CCDC50: variants seen among roughly 807,000 people sequenced by gnomAD.
CCDC50 encodes coiled-coil domain containing 50, also known as coiled-coil domain-containing protein 50.
CCDC50 carries 54 observed loss-of-function variants against 70.2 expected under a neutral mutation model. The observed-to-expected ratio is 0.77, with a 90% CI of 0.62 to 0.96. The LOEUF is 0.96. CCDC50 is among the 50% of genes least tolerant of loss of function. CCDC50 has a pLI of 0.00. For synonymous variants in CCDC50, 216 were observed against 198.8 expected, an observed-to-expected ratio of 1.09 and a Z score of -0.73; for missense variants, 558 against 578.7, an observed-to-expected ratio of 0.96 and a Z score of 0.37.
In CCDC50 at chr3:191,375,282, T is replaced by A; in HGVS notation, c.669T>A (p.His223Gln). The change falls in exon 6 of 12, where the codon CAT becomes CAA. Residue 223 changes from histidine to glutamine, a missense_variant. Transcript: ENST00000392455. ...RDNPHINNEQ[H>Q]ERKRSTQERP... The stretch of plus-strand genomic sequence containing the variant: ...ATCCCCATATTAACAATGAGCAGCA[T>A]GAAAGGAAACGGTCCACTCAGGAGA... 1 of 1,613,636 alleles carries A rather than the reference T, an allele frequency of 6.2e-7. No individual in the cohort carries two copies. The highest frequency in any genetic ancestry group is 1.3e-5 in the African/African-American group (1 of 74,982).
In CCDC50 at chr3:191,385,461, A is replaced by G. The variant is rs777536784; in HGVS notation, c.1322+2636A>G. Among the ~76,000 whole-genome samples the G allele has an allele frequency of 1.7e-4, 26 of 151,984 alleles. 1 individual carries two copies. The highest frequency in any genetic ancestry group is 2.9e-4 in the Non-Finnish European group (20 of 67,982). ...TTTGGCTGCTTGTATTTCTTTTGAG[A>G]AGTGTCTGTTCATATTTTTGCTCAC... is the stretch of plus-strand genomic sequence containing the variant. On this transcript the variant is annotated intron_variant, in intron 10 of 11. Transcript: ENST00000392455.
chr3:191,332,413 C>G (rs1718021780), intron 1 of CCDC50, among the ~76,000 whole-genome samples: 1 of 152,166 alleles, frequency 6.6e-6, no homozygotes, highest in African/African-American at 2.4e-5. Flanking sequence ...AACTAAGTGT[C>G]AACACATCAT....
intron 6 of CCDC50, among the ~76,000 whole-genome samples, chr3:191,377,997 C>T (rs191319947): frequency 5.3e-5 from 8 of 152,186 alleles, no homozygotes; most frequent in South Asian, 2.1e-4. Flanking sequence ...TGTTTAATGA[C>T]GGCCTTACAC....
chr3:191,335,056 G>A (rs754137040), intron 1 of CCDC50, among the ~76,000 whole-genome samples: 4 of 152,112 alleles, frequency 2.6e-5, no homozygotes, highest in South Asian at 2.1e-4. Flanking sequence ...AAAATTAAAC[G>A]TATTGGAGAA....
intron 4 of CCDC50, among the ~76,000 whole-genome samples, chr3:191,365,088 A>ATGTGTGTGTGTGTGTGTG (rs111869044): frequency 9.2e-5 from 14 of 151,474 alleles, no homozygotes; most frequent in African/African-American, 3.4e-4. Context: ...GCATGACTAG[A>ATGTGTGTGTGTGTGTGTG]TGTGTGTGTG....
At position 191,389,556 on chromosome 3, in the gene CCDC50, G is replaced by C; in HGVS notation, c.1383G>C (p.Gln461His). The change falls in exon 11 of 12, where the codon CAG (glutamine) becomes CAC (histidine). Residue 461 changes from glutamine to histidine, a missense_variant. Transcript: ENST00000392455. ...CGGATTACACTCATTTTACAAACCAGCAGAGTTCCACACGGCATTTCTCAA... is the reference window on the plus strand; with the variant it reads ...CGGATTACACTCATTTTACAAACCACCAGAGTTCCACACGGCATTTCTCAA... ...EDADYTHFTNQQSSTRHFSKS... is the reference protein window; with the variant it reads ...EDADYTHFTNHQSSTRHFSKS... The C allele has an allele frequency of 6.2e-7, 1 of 1,614,044 alleles. No homozygotes were observed. The highest frequency in any genetic ancestry group is 8.5e-7 in the Non-Finnish European group (1 of 1,179,964).
intron 5 of CCDC50, 46 bp downstream of exon 5, chr3:191,370,082 A>G (rs1240094733): frequency 1.5e-6 from 2 of 1,307,264 alleles, no homozygotes; most frequent in Non-Finnish European, 2.2e-6. Flanking sequence ...AGACTCAACC[A>G]TAAAACACTC....
Position 191,397,860 on chromosome 3 carries a change from C to A in CCDC50, c.*6100C>A, listed in dbSNP as rs951151080. ...AGCTAGTTCGTGGAATTGAACAGAA[C>A]CTTGATGGAATGCAGTTGCCTGTGT... is the stretch of plus-strand genomic sequence containing the variant. On this transcript the variant is annotated 3_prime_UTR_variant, in exon 12 of 12. Coordinates refer to ENST00000392455, the MANE Select transcript of CCDC50 (RefSeq NM_178335.3). The A allele has an allele frequency of 7.9e-5, 12 of 152,216 alleles. No individual in the cohort carries two copies. The highest frequency in any genetic ancestry group is 2.1e-4 in the South Asian group (1 of 4,838). The allele number at this position is 152,216 out of a possible 1,614,324, so 9.4% of individuals were successfully genotyped here.
At chr3:191,340,436 G>A (rs1232612129) in intron 1 of CCDC50, among the ~76,000 whole-genome samples, 1 of 152,206 alleles carries the variant, frequency 6.6e-6, no homozygotes, top group Admixed American at 6.5e-5. Context: ...ACAGAATTAG[G>A]AAACTACATT....
intron 3 of CCDC50, among the ~76,000 whole-genome samples, chr3:191,359,496 T>C (rs954560891): frequency 4.6e-5 from 7 of 152,222 alleles, no homozygotes; most frequent in Non-Finnish European, 8.8e-5. Flanking sequence ...TGGAGAACCT[T>C]TGAAGTAGTT....
At chr3:191,377,620 A>G (rs1301063653) in intron 6 of CCDC50, among the ~76,000 whole-genome samples, 1 of 152,132 alleles carries the variant, frequency 6.6e-6, no homozygotes, top group Non-Finnish European at 1.5e-5. Context: ...GGCATTCCCT[A>G]AATGTCAGAC....
chr3:191,344,725 C>T (rs1287356333), intron 1 of CCDC50, among the ~76,000 whole-genome samples: 1 of 152,152 alleles, frequency 6.6e-6, no homozygotes, highest in Non-Finnish European at 1.5e-5. Context: ...ACTACAGGCA[C>T]ATACCACCAC....
rs774277904 is a variant in CCDC50 at position 191,392,027 on chromosome 3, G to A, written c.*267G>A. 2.6e-5 allele frequency: 11 copies of A among 418,494 alleles called. No homozygotes were observed. The highest frequency in any genetic ancestry group is 4.0e-5 in the African/African-American group (2 of 50,196). 25.9% of individuals were successfully genotyped at this position (418,494 alleles called of 1,614,324 possible). A position where few individuals can be genotyped will look rare whatever the true frequency, so the allele number is the denominator to read the frequency against. ...TTGGGATATAGTATCTAAGACCTTT[G>A]TAAACTGCCATTTTGTTAGGTATGG... On this transcript the variant is annotated 3_prime_UTR_variant, in exon 12 of 12. Coordinates refer to ENST00000392455, the MANE Select transcript of CCDC50 (RefSeq NM_178335.3).
chr3:191,348,295 A>G (rs1013163016), intron 1 of CCDC50, among the ~76,000 whole-genome samples: 7 of 141,672 alleles, frequency 4.9e-5, no homozygotes, highest in African/African-American at 1.8e-4. Flanking sequence ...CTTCTTTCCC[A>G]TTTGCAAGCC....
At position 191,375,310 on chromosome 3, in the gene CCDC50, C is replaced by G. The variant is rs747154818; in HGVS notation, c.697C>G (p.Pro233Ala). ...AAGGAAACGGTCCACTCAGGAGAGGCCTCGGAGACCTCTGCTTCCCACGAT... is the reference window on the plus strand; with the variant it reads ...AAGGAAACGGTCCACTCAGGAGAGGGCTCGGAGACCTCTGCTTCCCACGAT... ...HERKRSTQERPRRPLLPTISG... is the reference protein window; with the variant it reads ...HERKRSTQERARRPLLPTISG... Residue 233 changes from proline (P) to alanine (A), a missense_variant, in exon 6 of 12, where the codon CCT becomes GCT. Transcript: ENST00000392455. 5.6e-6 allele frequency: 9 copies of G among 1,613,608 alleles called. No individual in the cohort carries two copies. The highest frequency in any genetic ancestry group is 3.3e-5 in the Admixed American group (2 of 59,938).
At chr3:191,343,639 A>T (rs1375256724) in intron 1 of CCDC50, among the ~76,000 whole-genome samples, 2 of 152,206 alleles carry the variant, frequency 1.3e-5, no homozygotes, top group African/African-American at 4.8e-5. Flanking sequence ...ACCATGTAAA[A>T]TGCAGTTGTT....
intron 1 of CCDC50, among the ~76,000 whole-genome samples, chr3:191,336,500 C>T (rs773295043): frequency 6.6e-6 from 1 of 151,984 alleles, no homozygotes; most frequent in Non-Finnish European, 1.5e-5. Flanking sequence ...AATTTTAGCT[C>T]ATTTTAAAAT....
chr3:191,382,552 T>A (rs2108670674), intron 9 of CCDC50, among the ~76,000 whole-genome samples, 194 bp from the exon 10 acceptor site: 1 of 152,288 alleles, frequency 6.6e-6, no homozygotes, highest in East Asian at 1.9e-4. Context: ...TTTGCAGCTA[T>A]AAATTTTCTA....
intron 1 of CCDC50, among the ~76,000 whole-genome samples, chr3:191,337,252 G>C (rs1170621339): frequency 6.6e-6 from 1 of 152,042 alleles, no homozygotes. Flanking sequence ...GGACAGTTCA[G>C]TTATCGGTAT....
Sources: allele counts gnomAD v4.1 joint callset (sites outside exome capture counted in the v4.1 genomes callset), GRCh38; gene constraint gnomAD v4.1.1; transcripts MANE v1.5; gene names NCBI Gene and HGNC (gene_info 2026-07-23, HGNC 2026-07-21).